Variants in CATSPERT observed in about 807,000 individuals in gnomAD.
The protein encoded by CATSPERT is catsper channel auxiliary subunit tau.
At chr2:201,604,984 A>C in the CATSPERT span, among the ~76,000 whole-genome samples, 1 of 152,146 alleles carries the variant, frequency 6.6e-6, no homozygotes, top group South Asian at 2.1e-4. Flanking sequence ...AAAGCTTATA[A>C]AGAGAATTCC....
At chr2:201,492,181 T>C in the CATSPERT span, 1 of 1,523,104 alleles carries the variant, frequency 6.6e-7, no homozygotes, top group Non-Finnish European at 8.7e-7. Context: ...AATTCTTGAA[T>C]ATTTATTTTG....
chr2:201,536,431 C>A, the CATSPERT span: 2 of 1,272,200 alleles, frequency 1.6e-6, no homozygotes, highest in Non-Finnish European at 2.1e-6. Flanking sequence ...TTTAGCATAA[C>A]AAATTACCAT....
At chr2:201,539,320 C>T in the CATSPERT span, among the ~76,000 whole-genome samples, 92,678 of 151,912 alleles carry the variant, frequency 0.61, 30,119 homozygotes, top group East Asian at 0.95. Flanking sequence ...GCAACCTTGC[C>T]GGCATCTGTT....
At chr2:201,508,205 G>A in the CATSPERT span, among the ~76,000 whole-genome samples, 1 of 152,186 alleles carries the variant, frequency 6.6e-6, no homozygotes, top group Non-Finnish European at 1.5e-5. Flanking sequence ...TTATTATCTT[G>A]CTCCAAAGAA....
the CATSPERT span, among the ~76,000 whole-genome samples, chr2:201,526,242 G>A: frequency 6.6e-6 from 1 of 152,160 alleles, no homozygotes; most frequent in Non-Finnish European, 1.5e-5. Flanking sequence ...AACTGGGCCA[G>A]GCATGGTGGC....
At chr2:201,517,837 A>T in the CATSPERT span, among the ~76,000 whole-genome samples, 1 of 152,242 alleles carries the variant, frequency 6.6e-6, no homozygotes, top group Non-Finnish European at 1.5e-5. Context: ...TCAAAGAGTC[A>T]CAAGGTCTCC....
the CATSPERT span, chr2:201,492,598 C>T: frequency 6.5e-7 from 1 of 1,527,230 alleles, no homozygotes; most frequent in South Asian, 1.2e-5. Flanking sequence ...ATTAAATAAA[C>T]TGCTTTCTGA....
At chr2:201,535,609 C>T in the CATSPERT span, 1 of 1,086,122 alleles carries the variant, frequency 9.2e-7, no homozygotes, top group Non-Finnish European at 1.1e-6. Flanking sequence ...ATTACTAACC[C>T]AAGAGATTAA....
the CATSPERT span, among the ~76,000 whole-genome samples, chr2:201,495,284 C>T: frequency 1.3e-5 from 2 of 152,138 alleles, no homozygotes; most frequent in East Asian, 3.9e-4. Flanking sequence ...AGAGTTTCAA[C>T]AATGATAATG....
At chr2:201,506,422 T>C in the CATSPERT span, among the ~76,000 whole-genome samples, 3 of 152,220 alleles carry the variant, frequency 2.0e-5, no homozygotes, top group Non-Finnish European at 4.4e-5. Flanking sequence ...AGGAATTATA[T>C]GGGAATACAA....
the CATSPERT span, among the ~76,000 whole-genome samples, chr2:201,537,665 G>A: frequency 2.0e-5 from 3 of 151,856 alleles, no homozygotes; most frequent in Non-Finnish European, 4.4e-5. Context: ...GGAAGATGGG[G>A]GAGTGGTAAA....
At chr2:201,613,669 C>T in the CATSPERT span, among the ~76,000 whole-genome samples, 12 of 152,312 alleles carry the variant, frequency 7.9e-5, no homozygotes, top group African/African-American at 2.4e-4. Context: ...GAACACAGCT[C>T]CTCGCCAGCA....
At chr2:201,491,766 C>T in the CATSPERT span, 2 of 1,536,942 alleles carry the variant, frequency 1.3e-6, no homozygotes, top group East Asian at 4.9e-5. Flanking sequence ...TATCAAGGGA[C>T]TTCATTTTCA....
At chr2:201,564,286 C>G in the CATSPERT span, among the ~76,000 whole-genome samples, 1 of 152,102 alleles carries the variant, frequency 6.6e-6, no homozygotes, top group Non-Finnish European at 1.5e-5. Flanking sequence ...AGCTGGCTGC[C>G]AGATACAAAT....
chr2:201,619,024 C>T, the CATSPERT span: 2 of 1,614,026 alleles, frequency 1.2e-6, no homozygotes, highest in Non-Finnish European at 1.7e-6. Context: ...ATCCGGGCTG[C>T]TGTAGGGATT....
the CATSPERT span, among the ~76,000 whole-genome samples, chr2:201,497,293 G>T: frequency 6.6e-6 from 1 of 152,220 alleles, no homozygotes; most frequent in East Asian, 1.9e-4. Context: ...CTCTCCTTCA[G>T]CCAAATGTGT....
At chr2:201,491,205 C>T in the CATSPERT span, 1 of 1,536,470 alleles carries the variant, frequency 6.5e-7, no homozygotes, top group Non-Finnish European at 8.7e-7. Flanking sequence ...GAAGCAGTGT[C>T]CTTGGAACAG....
the CATSPERT span, among the ~76,000 whole-genome samples, chr2:201,561,190 G>A: frequency 0.055 from 8,377 of 152,204 alleles, 280 homozygotes; most frequent in African/African-American, 0.08. Flanking sequence ...TGCAGCAATA[G>A]GAAGAGAATA....
At chr2:201,568,484 C>T in the CATSPERT span, among the ~76,000 whole-genome samples, 1 of 152,140 alleles carries the variant, frequency 6.6e-6, no homozygotes, top group Admixed American at 6.5e-5. Flanking sequence ...TTTGCCAGAT[C>T]TGTAGCTGCA....
Sources: allele counts gnomAD v4.1 joint callset (sites outside exome capture counted in the v4.1 genomes callset), GRCh38; gene constraint gnomAD v4.1.1; transcripts MANE v1.5; gene names NCBI Gene and HGNC (gene_info 2026-07-23, HGNC 2026-07-21).